The following BNC2 variants were observed in gnomAD, a reference collection of about 807,000 sequenced individuals.
The protein encoded by BNC2 is zinc finger protein basonuclin-2.
Under a neutral mutation model 76.3 loss-of-function variants are expected in BNC2, and 20 were observed. The observed-to-expected ratio is 0.26, with a 90% CI of 0.18 to 0.38. The LOEUF (loss-of-function observed/expected upper bound fraction) is 0.38. Ranked by LOEUF, BNC2 falls within the 10% of genes least tolerant of loss-of-function variation. BNC2 has a pLI of 1.00. For missense variants in BNC2, 1,382 were observed against 1,399.8 expected, an observed-to-expected ratio of 0.99 and a Z score of 0.20; for synonymous variants, 582 against 514.8, an observed-to-expected ratio of 1.13 and a Z score of -1.77.
intron 1 of BNC2, among the ~76,000 whole-genome samples, chr9:16,829,423 A>T (rs1013715669): frequency 6.6e-6 from 1 of 152,064 alleles, no homozygotes; most frequent in African/African-American, 2.4e-5. Flanking sequence ...CCTGATCCGA[A>T]TATGTTGTCT....
At chr9:16,476,049 A>G (rs1026677950) in intron 5 of BNC2, 13 of 152,312 alleles carry the variant, frequency 8.5e-5, no homozygotes, top group African/African-American at 3.1e-4. Context: ...AGGACAGCCT[A>G]GAGGGGAAAC....
chr9:16,809,140 G>A (rs1025908547), intron 1 of BNC2, among the ~76,000 whole-genome samples: 50 of 152,260 alleles, frequency 3.3e-4, no homozygotes, highest in African/African-American at 1.1e-3. Flanking sequence ...TAAATGGCCT[G>A]GGTCTAAGTG....
At chr9:16,822,252 C>T (rs1215625507) in intron 1 of BNC2, among the ~76,000 whole-genome samples, 1 of 152,042 alleles carries the variant, frequency 6.6e-6, no homozygotes, top group Non-Finnish European at 1.5e-5. Flanking sequence ...ATTGTACCCT[C>T]CTCTACTATA....
At chr9:16,800,307 C>G (rs1232735839) in intron 1 of BNC2, among the ~76,000 whole-genome samples, 2 of 151,770 alleles carry the variant, frequency 1.3e-5, no homozygotes, top group Non-Finnish European at 2.9e-5. Flanking sequence ...ATTTCCTTCT[C>G]AAAATTACAC....
rs186936319 is a variant in BNC2 at position 16,753,683 on chromosome 9, A to G, written c.4-15198T>C. Among the ~76,000 whole-genome samples, 57 of 152,332 alleles carry G rather than the reference A, an allele frequency of 3.7e-4. 1 individual carries two copies. Among genetic ancestry groups the G allele is most frequent in the African/African-American group, 1.2e-3 (50 of 41,584 alleles). ...TTGTTAGACAATAAAAGCATATTCCAGGTATCAATCAGCAAGCCCAGTATG... is the reference window on the plus strand; with the variant it reads ...TTGTTAGACAATAAAAGCATATTCCGGGTATCAATCAGCAAGCCCAGTATG... On this transcript the variant is annotated intron_variant, in intron 1 of 6. Transcript: ENST00000380672.
At chr9:16,644,484 A>C (rs1022794618) in intron 3 of BNC2, among the ~76,000 whole-genome samples, 6 of 152,190 alleles carry the variant, frequency 3.9e-5, no homozygotes, top group Admixed American at 2.6e-4. Context: ...GAAAAAAATA[A>C]ATCAACTCGG....
At chr9:16,443,841 C>G (rs1171840112) in intron 5 of BNC2, among the ~76,000 whole-genome samples, 4 of 152,126 alleles carry the variant, frequency 2.6e-5, no homozygotes, top group Non-Finnish European at 5.9e-5. Flanking sequence ...GGGAAAGGGA[C>G]TGAGTGTAAA....
intron 3 of BNC2, among the ~76,000 whole-genome samples, chr9:16,642,599 C>G (rs1253327700): frequency 1.3e-5 from 2 of 152,188 alleles, no homozygotes; most frequent in African/African-American, 2.4e-5. Context: ...AAATCTACAA[C>G]TAGTGGCCAA....
chr9:16,753,350 T>C (rs919667874), intron 1 of BNC2, among the ~76,000 whole-genome samples: 3 of 152,236 alleles, frequency 2.0e-5, no homozygotes, highest in African/African-American at 7.2e-5. Context: ...ATTAAATAAC[T>C]GTAAATCTTT....
At chr9:16,696,858 A>G (rs1823354011) in intron 3 of BNC2, among the ~76,000 whole-genome samples, 1 of 152,244 alleles carries the variant, frequency 6.6e-6, no homozygotes, top group South Asian at 2.1e-4. Context: ...TTATTTATGC[A>G]CAGAGCATTT....
intron 2 of BNC2, among the ~76,000 whole-genome samples, chr9:16,732,162 A>AAAAAAAAAAAAAAAAAAAAAAAAAAAG (rs59888253): frequency 7.3e-5 from 9 of 123,388 alleles, no homozygotes; most frequent in Non-Finnish European, 1.2e-4. Context: ...TCCTGCAAAA[A>AAAAAAAAAAAAAAAAAAAAAAAAAAAG]AAAAAGAAAA....
At chr9:16,433,488 A>C (rs1563780312) in intron 6 of BNC2, among the ~76,000 whole-genome samples, 1 of 152,120 alleles carries the variant, frequency 6.6e-6, no homozygotes, top group Non-Finnish European at 1.5e-5. Context: ...GTCATCCTAG[A>C]CGCGGGTCTA....
chr9:16,421,981 C>G (rs935449263), intron 6 of BNC2, among the ~76,000 whole-genome samples: 5 of 152,184 alleles, frequency 3.3e-5, no homozygotes, highest in Admixed American at 2.0e-4. Context: ...TTCCTAGGTT[C>G]ACTGCTGAGA....
chr9:16,863,382 T>C (rs1049137555), intron 1 of BNC2, among the ~76,000 whole-genome samples: 1 of 152,092 alleles, frequency 6.6e-6, no homozygotes, highest in Non-Finnish European at 1.5e-5. Context: ...CACAAGACAC[T>C]AAGAAAAGCT....
At chr9:16,426,019 T>C (rs148856117) in intron 6 of BNC2, among the ~76,000 whole-genome samples, 304 of 152,354 alleles carry the variant, frequency 2.0e-3, no homozygotes, top group Middle Eastern at 6.8e-3. Flanking sequence ...TAATGTGAGA[T>C]GAGTGTTACA....
intron 1 of BNC2, among the ~76,000 whole-genome samples, chr9:16,764,517 C>T (rs1586864991): frequency 6.6e-6 from 1 of 152,296 alleles, no homozygotes; most frequent in South Asian, 2.1e-4. Flanking sequence ...TAATATTACC[C>T]AAGTCAATAT....
chr9:16,486,684 G>A (rs1317062641), intron 5 of BNC2, among the ~76,000 whole-genome samples: 2 of 152,084 alleles, frequency 1.3e-5, no homozygotes, highest in Admixed American at 6.5e-5. Flanking sequence ...TTTCTATAGG[G>A]ATGCAAATTA....
chr9:16,482,562 T>C (rs1049388274), intron 5 of BNC2, among the ~76,000 whole-genome samples: 4 of 152,224 alleles, frequency 2.6e-5, no homozygotes, highest in African/African-American at 9.6e-5. Context: ...TTGCAGACAC[T>C]GATTCTAAGA....
intron 1 of BNC2, among the ~76,000 whole-genome samples, chr9:16,802,334 T>G (rs1817805742): frequency 6.6e-6 from 1 of 152,202 alleles, no homozygotes; most frequent in Non-Finnish European, 1.5e-5. Flanking sequence ...CTTTTCCTAT[T>G]CCATTTAGCT....
Sources: gnomAD v4.1 joint callset for allele counts (sites outside exome capture counted in the v4.1 genomes callset) on GRCh38, gnomAD v4.1.1 for gene constraint, MANE v1.5 for transcripts, NCBI Gene and HGNC (gene_info 2026-07-23, HGNC 2026-07-21) for gene names.